PTPRG: variants seen among roughly 807,000 people sequenced by gnomAD.
PTPRG encodes the protein protein tyrosine phosphatase receptor type G, also known as receptor-type tyrosine-protein phosphatase gamma.
PTPRG carries 102 observed loss-of-function variants against 165.3 expected under a neutral mutation model. That is an observed-to-expected ratio of 0.62 (90% CI 0.53 to 0.73). The LOEUF is 0.73. PTPRG is among the 30% of genes least tolerant of loss of function. The pLI is 0.00. For synonymous variants in PTPRG, 675 were observed against 669.5 expected (o/e 1.01, Z -0.13); for missense variants, 1,866 against 1,861.4 (o/e 1.00, Z -0.05).
intron 1 of PTPRG, among the ~76,000 whole-genome samples, chr3:61,710,922 G>C (rs1456410110): frequency 0.011 from 1,601 of 151,334 alleles, 32 homozygotes; most frequent in African/African-American, 0.036. Context: ...CCCTCCCCTA[G>C]CCCCCCGCCC....
chr3:61,678,746 T>C (rs1333171662), intron 1 of PTPRG, among the ~76,000 whole-genome samples: 1 of 152,198 alleles, frequency 6.6e-6, no homozygotes, highest in Non-Finnish European at 1.5e-5. Context: ...TTGATACTTA[T>C]TATACAAATA....
At chr3:61,936,558 TGCTCG>T (rs776962133) in intron 2 of PTPRG, among the ~76,000 whole-genome samples, 19 of 152,182 alleles carry the variant, frequency 1.2e-4, no homozygotes, top group Non-Finnish European at 2.4e-4. Context: ...AACAGAGCTG[TGCTCG>T]GTCTGCTGGA....
chr3:61,735,909 A>AC (rs2032701959), intron 1 of PTPRG, among the ~76,000 whole-genome samples: 1 of 145,024 alleles, frequency 6.9e-6, no homozygotes, highest in African/African-American at 2.5e-5. Flanking sequence ...TAAAACAATG[A>AC]TTTTTTTTTT....
At chr3:61,703,016 T>C (rs1323912898) in intron 1 of PTPRG, among the ~76,000 whole-genome samples, 1 of 152,232 alleles carries the variant, frequency 6.6e-6, no homozygotes, top group East Asian at 1.9e-4. Context: ...TAAATGTAAT[T>C]CATACGGTGG....
intron 1 of PTPRG, among the ~76,000 whole-genome samples, chr3:61,702,355 A>T (rs2031015198): frequency 6.6e-6 from 1 of 152,176 alleles, no homozygotes; most frequent in South Asian, 2.1e-4. Context: ...ATTGACCCTA[A>T]CATGCTGAGA....
intron 5 of PTPRG, among the ~76,000 whole-genome samples, chr3:62,105,326 A>G (rs991301317): frequency 2.6e-5 from 4 of 152,208 alleles, no homozygotes; most frequent in Admixed American, 6.5e-5. Context: ...TGAGTTAATT[A>G]CTGCCATAGT....
At chr3:61,652,625 T>C (rs891770614) in intron 1 of PTPRG, among the ~76,000 whole-genome samples, 2 of 152,224 alleles carry the variant, frequency 1.3e-5, no homozygotes, top group Non-Finnish European at 2.9e-5. Flanking sequence ...TCTTTTCTTA[T>C]TTATATTTAA....
intron 2 of PTPRG, among the ~76,000 whole-genome samples, chr3:61,982,324 G>T (rs538342511): frequency 6.6e-6 from 1 of 152,172 alleles, no homozygotes; most frequent in Admixed American, 6.6e-5. Flanking sequence ...GAATAAAGCT[G>T]GTACAACTTT....
At chr3:61,613,186 T>C (rs1340561184) in intron 1 of PTPRG, among the ~76,000 whole-genome samples, 1 of 152,190 alleles carries the variant, frequency 6.6e-6, no homozygotes, top group Non-Finnish European at 1.5e-5. Flanking sequence ...AGCAAAGGGC[T>C]TTTTCTATTT....
intron 2 of PTPRG, among the ~76,000 whole-genome samples, chr3:61,977,498 T>C (rs892194500): frequency 9.2e-5 from 14 of 152,226 alleles, no homozygotes; most frequent in Admixed American, 5.2e-4. Context: ...GAAGTTGCCT[T>C]GTAATTTTTG....
At position 61,582,456 on chromosome 3, in the gene PTPRG, G is replaced by T. The variant is rs148742239; in HGVS notation, c.85+20084G>T. On this transcript the variant is annotated intron_variant, in intron 1 of 29. Coordinates refer to ENST00000474889, the MANE Select transcript of PTPRG (RefSeq NM_002841.4). Reference sequence around the variant, plus strand: ...TCTGAGATTGATGCTGTTTCTCTAGGGGGGAATGGGGACAGCATGAGATAG... The same window carrying T: ...TCTGAGATTGATGCTGTTTCTCTAGTGGGGAATGGGGACAGCATGAGATAG... Among the ~76,000 whole-genome samples the T allele has an allele frequency of 4.2e-3, 632 of 152,270 alleles. 2 individuals are homozygous for T. Among genetic ancestry groups the T allele is most frequent in the Non-Finnish European group, 6.4e-3 (435 of 68,014 alleles).
At chr3:61,759,486 C>T (rs2033757758) in intron 2 of PTPRG, among the ~76,000 whole-genome samples, 1 of 151,972 alleles carries the variant, frequency 6.6e-6, no homozygotes, top group South Asian at 2.1e-4. Context: ...GAGGACCTGT[C>T]TCTACAAAAA....
At chr3:61,568,586 G>C (rs1247572659) in intron 1 of PTPRG, among the ~76,000 whole-genome samples, 1 of 152,112 alleles carries the variant, frequency 6.6e-6, no homozygotes, top group Admixed American at 6.6e-5. Flanking sequence ...AGGTTTTTAT[G>C]ATTGCAGCCC....
chr3:61,754,994 T>C (rs79378029), intron 2 of PTPRG, among the ~76,000 whole-genome samples: 4 of 146,468 alleles, frequency 2.7e-5, no homozygotes, highest in Non-Finnish European at 6.0e-5. Flanking sequence ...CTTCTTCTTC[T>C]TTTTTTTTTT....
At chr3:62,128,515 A>G (rs1175711077) in intron 5 of PTPRG, among the ~76,000 whole-genome samples, 1 of 151,964 alleles carries the variant, frequency 6.6e-6, no homozygotes, top group Non-Finnish European at 1.5e-5. Flanking sequence ...TCATTCATTT[A>G]AATTCAAGTG....
intron 1 of PTPRG, among the ~76,000 whole-genome samples, chr3:61,619,240 A>T (rs373306693): frequency 9.2e-5 from 14 of 152,108 alleles, no homozygotes; most frequent in Non-Finnish European, 1.6e-4. Context: ...CTGTGCTCCA[A>T]AAAGGATGGG....
intron 2 of PTPRG, among the ~76,000 whole-genome samples, chr3:61,917,690 G>A (rs1319395216): frequency 2.0e-5 from 3 of 152,318 alleles, no homozygotes; most frequent in Non-Finnish European, 4.4e-5. Flanking sequence ...AGCACTTTGC[G>A]AGGCTGAGGC....
intron 16 of PTPRG, chr3:62,261,924 A>G (rs144729374): frequency 1.9e-3 from 286 of 152,330 alleles, no homozygotes; most frequent in African/African-American, 6.5e-3. Context: ...AAACTCTGCT[A>G]CATCTGTTCT....
chr3:62,234,149 A>G (rs887279677), intron 14 of PTPRG, among the ~76,000 whole-genome samples: 4 of 152,192 alleles, frequency 2.6e-5, no homozygotes, highest in African/African-American at 9.7e-5. Context: ...CGATTTCCCT[A>G]TGCCTATATA....
Sources: gnomAD v4.1 joint callset for allele counts (sites outside exome capture counted in the v4.1 genomes callset) on GRCh38, gnomAD v4.1.1 for gene constraint, MANE v1.5 for transcripts, NCBI Gene and HGNC (gene_info 2026-07-23, HGNC 2026-07-21) for gene names.